Variants in ANK3 observed in about 807,000 individuals in gnomAD.
ANK3 encodes the protein ankyrin-3.
In ANK3, 57 loss-of-function variants were observed where a neutral mutation model predicts 370.9. That is an observed-to-expected ratio of 0.15 (90% CI 0.12 to 0.19). The LOEUF is 0.19. Among genes scored for constraint, ANK3 ranks in the 10% least tolerant of loss-of-function variants. ANK3 has a pLI of 1.00. For synonymous variants in ANK3, 1,929 were observed against 1,946.3 expected (o/e 0.99, Z 0.23); for missense variants, 4,439 against 5,302.1 (o/e 0.84, Z 5.06).
chr10:60,403,460 T>C (rs182607251), intron 2 of ANK3, among the ~76,000 whole-genome samples: 1 of 152,332 alleles, frequency 6.6e-6, no homozygotes, highest in African/African-American at 2.4e-5. Context: ...TACAAAATAT[T>C]AGCAAAATCA....
intron 36 of ANK3, among the ~76,000 whole-genome samples, chr10:60,077,071 C>CAACT (rs1008529978): frequency 2.0e-5 from 3 of 152,190 alleles, no homozygotes; most frequent in African/African-American, 7.2e-5. Flanking sequence ...AAGTGACAGG[C>CAACT]AACTGATGTG....
At chr10:60,316,162 C>A (rs1250539590) in intron 1 of ANK3, among the ~76,000 whole-genome samples, 1 of 152,114 alleles carries the variant, frequency 6.6e-6, no homozygotes, top group Non-Finnish European at 1.5e-5. Flanking sequence ...TGAGGACATG[C>A]TTGTTAATCC....
chr10:60,462,885 G>A (rs911853250), intron 2 of ANK3, among the ~76,000 whole-genome samples: 3 of 147,222 alleles, frequency 2.0e-5, no homozygotes, highest in African/African-American at 7.5e-5. Flanking sequence ...CTTTCCCTAG[G>A]TTCTTTTTTA....
Position 60,489,670 on chromosome 10 carries a change from G to C in ANK3, c.96+125516C>G, listed in dbSNP as rs188930106. 5.4e-3 allele frequency among the ~76,000 whole-genome samples: 816 copies of C among 151,764 alleles called. 3 individuals are homozygous for C. The highest frequency in any genetic ancestry group is 9.2e-3 in the Non-Finnish European group (624 of 67,936). On this transcript the variant is annotated intron_variant, in intron 2 of 43. Coordinates refer to the ANK3 transcript ENST00000373827. ...ATAATTCATGTATATACAACAAAAG[G>C]CTCTTTAAATATTAATATATATTTT...
chr10:60,665,074 T>G (rs1459362732), intron 1 of ANK3, among the ~76,000 whole-genome samples: 1 of 152,164 alleles, frequency 6.6e-6, no homozygotes, highest in Non-Finnish European at 1.5e-5. Context: ...ATGACTCAGC[T>G]GCTTCCCAGC....
chr10:60,300,750 C>T (rs958362731), intron 1 of ANK3, among the ~76,000 whole-genome samples: 1 of 152,096 alleles, frequency 6.6e-6, no homozygotes, highest in African/African-American at 2.4e-5. Flanking sequence ...TTCCTCTGTA[C>T]TCACGCTACT....
intron 2 of ANK3, among the ~76,000 whole-genome samples, chr10:60,472,830 G>C (rs1185363770): frequency 7.2e-5 from 11 of 152,064 alleles, no homozygotes; most frequent in African/African-American, 2.7e-4. Context: ...TCATAATAAA[G>C]AAAAACTGAG....
At chr10:60,130,944 A>T (rs1458883711) in intron 25 of ANK3, among the ~76,000 whole-genome samples, 1 of 152,206 alleles carries the variant, frequency 6.6e-6, no homozygotes, top group African/African-American at 2.4e-5. Flanking sequence ...AAAACTGTAT[A>T]AAAAATACCC....
intron 2 of ANK3, among the ~76,000 whole-genome samples, chr10:60,470,983 C>T (rs1005390359): frequency 2.6e-5 from 4 of 151,984 alleles, no homozygotes; most frequent in Admixed American, 2.0e-4. Context: ...CTTTTATCTC[C>T]CCTGGTGCCC....
intron 28 of ANK3, among the ~76,000 whole-genome samples, chr10:60,100,405 A>G (rs2091040622): frequency 6.6e-6 from 1 of 151,898 alleles, no homozygotes; most frequent in South Asian, 2.1e-4. Context: ...CTGCTTCTAC[A>G]ATGACTTAAC....
intron 1 of ANK3, among the ~76,000 whole-genome samples, chr10:60,374,857 A>G (rs1379978347): frequency 6.6e-6 from 1 of 152,314 alleles, no homozygotes; most frequent in Non-Finnish European, 1.5e-5. Context: ...TTGAAAATTT[A>G]AAGAAATATA....
intron 2 of ANK3, among the ~76,000 whole-genome samples, chr10:60,397,131 C>T (rs1281873071): frequency 2.0e-5 from 3 of 150,042 alleles, no homozygotes; most frequent in Admixed American, 2.0e-4. Context: ...TATAAGAAAG[C>T]AAAGGATCTT....
chr10:60,256,918 G>A (rs1488466512), intron 7 of ANK3, among the ~76,000 whole-genome samples: 6 of 152,184 alleles, frequency 3.9e-5, no homozygotes, highest in Admixed American at 2.6e-4. Context: ...ATCATAAATA[G>A]TGCTTCAATG....
chr10:60,291,737 T>G (rs993893057), intron 1 of ANK3, among the ~76,000 whole-genome samples: 2 of 152,184 alleles, frequency 1.3e-5, no homozygotes, highest in African/African-American at 4.8e-5. Context: ...TTCTTTCTTT[T>G]TCTTTTTTTA....
At chr10:60,202,462 A>G (rs1273397523) in intron 12 of ANK3, among the ~76,000 whole-genome samples, 1 of 152,214 alleles carries the variant, frequency 6.6e-6, no homozygotes, top group East Asian at 1.9e-4. Flanking sequence ...GTAGTAATGC[A>G]CCTGTAAGGT....
intron 2 of ANK3, among the ~76,000 whole-genome samples, chr10:60,552,097 A>G (rs143686251): frequency 6.6e-6 from 1 of 152,328 alleles, no homozygotes; most frequent in African/African-American, 2.4e-5. Context: ...AGCAATGACA[A>G]CTTCATCAAG....
chr10:60,212,167 T>G (rs1004439099), intron 9 of ANK3, among the ~76,000 whole-genome samples: 4 of 152,114 alleles, frequency 2.6e-5, no homozygotes, highest in African/African-American at 9.7e-5. Flanking sequence ...AGAAAAAATA[T>G]GAGCAACTCT....
chr10:60,082,230 G>A, intron 34 of ANK3, 54 bp from the exon 35 acceptor site: 4 of 1,460,492 alleles, frequency 2.7e-6, no homozygotes, highest in Non-Finnish European at 2.9e-6. Flanking sequence ...TGGACAGCAG[G>A]GAAAAGAATA....
At chr10:60,329,723 T>C (rs1306054751) in intron 1 of ANK3, among the ~76,000 whole-genome samples, 3 of 152,180 alleles carry the variant, frequency 2.0e-5, no homozygotes, top group Admixed American at 1.3e-4. Flanking sequence ...AAGTAATTTA[T>C]AGATTCAATG....
Sources: allele counts gnomAD v4.1 joint callset (sites outside exome capture counted in the v4.1 genomes callset), GRCh38; gene constraint gnomAD v4.1.1; transcripts MANE v1.5; gene names NCBI Gene and HGNC (gene_info 2026-07-23, HGNC 2026-07-21).